Variants in TENM3 observed in about 807,000 individuals in gnomAD.
The protein encoded by TENM3 is teneurin-3.
TENM3 carries 63 observed loss-of-function variants against 255.1 expected under a neutral mutation model. The ratio of observed to expected loss-of-function variants is 0.25; its 90% CI spans 0.20 to 0.30. The LOEUF (loss-of-function observed/expected upper bound fraction) is 0.30, where lower values mean the gene tolerates loss of function less well. Among genes scored for constraint, TENM3 ranks in the 10% least tolerant of loss-of-function variants. The pLI, the probability that TENM3 is intolerant of heterozygous loss-of-function variation, is 1.00. For synonymous variants in TENM3, 1,306 were observed against 1,322.3 expected, an observed-to-expected ratio of 0.99 and a Z score of 0.27; for missense variants, 2,929 against 3,461.1, an observed-to-expected ratio of 0.85 and a Z score of 3.86.
the TENM3 span, among the ~76,000 whole-genome samples, chr4:181,648,407 G>T: frequency 6.6e-6 from 1 of 152,080 alleles, no homozygotes; most frequent in Non-Finnish European, 1.5e-5. Flanking sequence ...GTCCTCAGCT[G>T]CCATTTTCTT....
At chr4:182,724,236 C>T (rs186525527) in intron 13 of TENM3, among the ~76,000 whole-genome samples, 4 of 152,208 alleles carry the variant, frequency 2.6e-5, no homozygotes, top group Admixed American at 2.6e-4. Flanking sequence ...ACCTAATATT[C>T]CTGAAACTAA....
the TENM3 span, among the ~76,000 whole-genome samples, chr4:181,955,199 A>G: frequency 6.6e-6 from 1 of 152,190 alleles, no homozygotes; most frequent in Non-Finnish European, 1.5e-5. Context: ...TAATTATACA[A>G]TTTGGAGGGA....
chr4:182,794,693 A>C (rs184267946), intron 26 of TENM3, among the ~76,000 whole-genome samples: 2 of 152,348 alleles, frequency 1.3e-5, no homozygotes, highest in East Asian at 3.9e-4. Flanking sequence ...AGTTTAGTGC[A>C]TGCTACCTTT....
the TENM3 span, among the ~76,000 whole-genome samples, chr4:181,698,762 C>T: frequency 6.6e-6 from 1 of 152,084 alleles, no homozygotes; most frequent in African/African-American, 2.4e-5. Context: ...AAGTGCCTTG[C>T]GATTCTAGAC....
intron 1 of TENM3, among the ~76,000 whole-genome samples, chr4:182,171,539 C>T (rs1752105066): frequency 6.6e-6 from 1 of 152,292 alleles, no homozygotes; most frequent in East Asian, 1.9e-4. Flanking sequence ...TCATAGCTCT[C>T]TGTAACCTGG....
the TENM3 span, among the ~76,000 whole-genome samples, chr4:182,098,130 G>A: frequency 6.6e-6 from 1 of 152,152 alleles, no homozygotes; most frequent in South Asian, 2.1e-4. Context: ...AAACCACAGT[G>A]AGATATTATC....
intron 3 of TENM3, among the ~76,000 whole-genome samples, chr4:182,383,600 A>G (rs958091913): frequency 5.3e-5 from 8 of 151,994 alleles, no homozygotes; most frequent in African/African-American, 1.9e-4. Context: ...CCCAATAGAT[A>G]GTTTTTCCAT....
intron 1 of TENM3, among the ~76,000 whole-genome samples, chr4:182,250,313 A>C (rs1757937681): frequency 6.9e-6 from 1 of 144,524 alleles, no homozygotes; most frequent in Non-Finnish European, 1.5e-5. Flanking sequence ...TAGCCTCCCA[A>C]AGTGCTGGGA....
the TENM3 span, among the ~76,000 whole-genome samples, chr4:181,449,531 C>T: frequency 6.6e-6 from 1 of 152,152 alleles, no homozygotes; most frequent in Non-Finnish European, 1.5e-5. Flanking sequence ...CGCCTGTAAT[C>T]CCAACACTTT....
At chr4:181,594,059 A>G in the TENM3 span, among the ~76,000 whole-genome samples, 1 of 150,002 alleles carries the variant, frequency 6.7e-6, no homozygotes, top group East Asian at 1.9e-4. Context: ...CAGTGAATAC[A>G]GAAGTGATAA....
chr4:181,967,705 T>C, the TENM3 span, among the ~76,000 whole-genome samples: 3 of 152,056 alleles, frequency 2.0e-5, no homozygotes, highest in African/African-American at 7.2e-5. Context: ...TTCCCCATGA[T>C]ATAGCACAAA....
At chr4:181,549,137 C>T in the TENM3 span, among the ~76,000 whole-genome samples, 1 of 152,124 alleles carries the variant, frequency 6.6e-6, no homozygotes, top group African/African-American at 2.4e-5. Flanking sequence ...CATCTCCGCC[C>T]TCACCCCCTT....
the TENM3 span, among the ~76,000 whole-genome samples, chr4:182,122,492 TCCATCA>T: frequency 6.6e-6 from 1 of 152,322 alleles, no homozygotes; most frequent in South Asian, 2.1e-4. Context: ...TCTGCGCATC[TCCATCA>T]GAGCTCTTGG....
intron 1 of TENM3, among the ~76,000 whole-genome samples, chr4:182,188,840 A>G (rs1364105031): frequency 6.6e-6 from 1 of 152,136 alleles, no homozygotes; most frequent in African/African-American, 2.4e-5. Flanking sequence ...TGCAGTGAAC[A>G]TGTACTGACT....
intron 3 of TENM3, among the ~76,000 whole-genome samples, chr4:182,521,340 T>C (rs923339263): frequency 6.6e-6 from 1 of 152,248 alleles, no homozygotes; most frequent in African/African-American, 2.4e-5. Flanking sequence ...CTGAGGGAAG[T>C]CTCACACTGA....
intron 1 of TENM3, among the ~76,000 whole-genome samples, chr4:182,260,024 T>A: frequency 6.6e-6 from 1 of 152,194 alleles, no homozygotes; most frequent in Non-Finnish European, 1.5e-5. Context: ...TCACGTAACG[T>A]AATGTCCTCC....
At chr4:181,647,717 C>T in the TENM3 span, among the ~76,000 whole-genome samples, 1 of 152,030 alleles carries the variant, frequency 6.6e-6, no homozygotes, top group African/African-American at 2.4e-5. Context: ...AAGGACACGT[C>T]GTGGGATGTG....
the TENM3 span, among the ~76,000 whole-genome samples, chr4:181,888,614 G>GTGTGTC: frequency 7.4e-6 from 1 of 135,482 alleles, no homozygotes; most frequent in Non-Finnish European, 1.6e-5. Flanking sequence ...GTGTGTGTGT[G>GTGTGTC]TGTGGAAAGA....
chr4:181,569,241 C>T, the TENM3 span, among the ~76,000 whole-genome samples: 19 of 152,228 alleles, frequency 1.2e-4, no homozygotes, highest in Middle Eastern at 3.4e-3. Flanking sequence ...TCTGGTCCTC[C>T]GAGGTGAGAA....
Sources: gnomAD v4.1 joint callset for allele counts (sites outside exome capture counted in the v4.1 genomes callset) on GRCh38, gnomAD v4.1.1 for gene constraint, MANE v1.5 for transcripts, NCBI Gene and HGNC (gene_info 2026-07-23, HGNC 2026-07-21) for gene names.